The following USP10 variants were observed in gnomAD, a reference collection of about 807,000 sequenced individuals.
USP10 encodes ubiquitin specific peptidase 10, also known as ubiquitin carboxyl-terminal hydrolase 10.
USP10 carries 22 observed loss-of-function variants against 84.5 expected under a neutral mutation model. The ratio of observed to expected loss-of-function variants is 0.26; its 90% CI spans 0.19 to 0.37. The LOEUF (loss-of-function observed/expected upper bound fraction) is 0.37, where lower values mean the gene tolerates loss of function less well. Ranked by LOEUF, USP10 falls within the 10% of genes least tolerant of loss-of-function variation. The probability of loss-of-function intolerance (pLI) is 1.00; values close to 1 mark genes in which losing one functional copy is unlikely to be tolerated. For synonymous variants in USP10, 454 were observed against 387.6 expected (o/e 1.17, Z -2.01); for missense variants, 1,019 against 998.9 (o/e 1.02, Z -0.27).
intron 11 of USP10, among the ~76,000 whole-genome samples, chr16:84,771,699 T>A (rs1034097787): frequency 2.0e-5 from 3 of 152,050 alleles, no homozygotes; most frequent in African/African-American, 7.2e-5. Flanking sequence ...TGAAACCCCT[T>A]CTTTACTAAA....
At chr16:84,748,563 C>G (rs925156545) in intron 4 of USP10, among the ~76,000 whole-genome samples, 4 of 152,144 alleles carry the variant, frequency 2.6e-5, no homozygotes, top group African/African-American at 9.7e-5. Flanking sequence ...CTCAGCCTCT[C>G]AAAGTGCTGA....
intron 12 of USP10, among the ~76,000 whole-genome samples, chr16:84,773,804 A>G (rs889922054): frequency 6.6e-6 from 1 of 152,226 alleles, no homozygotes; most frequent in Non-Finnish European, 1.5e-5. Context: ...CAAAGAAGGC[A>G]TCCTCGGCCT....
At chr16:84,767,776 A>C (rs7203766) in intron 10 of USP10, among the ~76,000 whole-genome samples, 31 of 149,846 alleles carry the variant, frequency 2.1e-4, no homozygotes, top group African/African-American at 7.8e-4. Flanking sequence ...AATTATTATT[A>C]TTTTTTTTAA....
intron 1 of USP10, among the ~76,000 whole-genome samples, chr16:84,704,337 C>A (rs748214853): frequency 6.6e-6 from 1 of 152,194 alleles, no homozygotes; most frequent in Non-Finnish European, 1.5e-5. Context: ...TGTAATTAGG[C>A]TGTTACTTTT....
At chr16:84,706,973 T>TA (rs1431900093) in intron 1 of USP10, among the ~76,000 whole-genome samples, 1 of 152,212 alleles carries the variant, frequency 6.6e-6, no homozygotes, top group African/African-American at 2.4e-5. Flanking sequence ...ATAAACTCTA[T>TA]AAACTGCATA....
At chr16:84,770,135 G>C (rs989624128) in intron 11 of USP10, among the ~76,000 whole-genome samples, 15 of 152,086 alleles carry the variant, frequency 9.9e-5, no homozygotes, top group African/African-American at 1.4e-4. Context: ...AAAAATAAAG[G>C]AAAGCTGGCA....
intron 3 of USP10, among the ~76,000 whole-genome samples, chr16:84,743,127 A>G (rs555759637): frequency 6.6e-6 from 1 of 152,354 alleles, no homozygotes; most frequent in East Asian, 1.9e-4. Flanking sequence ...GCCAGCCCCT[A>G]CATATGATAA....
At position 84,778,899 on chromosome 16, in the gene USP10, C is replaced by T; in HGVS notation, c.2214C>T (p.Val738=). 6.2e-7 allele frequency: 1 copy of T among 1,612,990 alleles called. No homozygotes were observed. Residue 738 remains valine, a synonymous_variant, in exon 14 of 14, where the codon GTC becomes GTT. Transcript: ENST00000219473. The part of the protein sequence containing the change: ...CHRTYRLFAV[V]YHHGNSATGG... The stretch of plus-strand genomic sequence containing the variant: ...GCCTGCTGGGCTCTCTTCCAGTGGT[C>T]TACCATCACGGCAACAGTGCGACGG...
chr16:84,750,490 G>A (rs1911801421), intron 4 of USP10, among the ~76,000 whole-genome samples: 1 of 152,068 alleles, frequency 6.6e-6, no homozygotes, highest in African/African-American at 2.4e-5. Context: ...AGTGAGTATG[G>A]CAGACACGTG....
chr16:84,728,654 T>A (rs1353871037), intron 1 of USP10, among the ~76,000 whole-genome samples: 1 of 151,990 alleles, frequency 6.6e-6, no homozygotes, highest in Non-Finnish European at 1.5e-5. Flanking sequence ...ATCAAAATTA[T>A]AATTTATGTC....
intron 1 of USP10, among the ~76,000 whole-genome samples, chr16:84,700,781 C>G (rs1468859538): frequency 1.3e-5 from 2 of 152,148 alleles, no homozygotes; most frequent in Non-Finnish European, 1.5e-5. Flanking sequence ...ACTAACGCAC[C>G]CTGCCTGAAC....
chr16:84,773,232 G>C (rs1597405526), intron 12 of USP10, among the ~76,000 whole-genome samples: 1 of 152,198 alleles, frequency 6.6e-6, no homozygotes, highest in African/African-American at 2.4e-5. Flanking sequence ...GCTTCAAGAA[G>C]ACTTTTCTTG....
At chr16:84,719,366 C>T (rs986690158) in intron 1 of USP10, among the ~76,000 whole-genome samples, 5 of 152,152 alleles carry the variant, frequency 3.3e-5, no homozygotes, top group Admixed American at 3.3e-4. Context: ...TTACTTGGAT[C>T]ACGGGAATGC....
chr16:84,759,305 T>G, intron 5 of USP10, 58 bp from the exon 6 acceptor site: 3 of 1,494,874 alleles, frequency 2.0e-6, no homozygotes, highest in Non-Finnish European at 1.9e-6. Flanking sequence ...TCATGTGCCT[T>G]CAGGAAATGT....
intron 4 of USP10, among the ~76,000 whole-genome samples, chr16:84,752,310 T>C (rs144578809): frequency 2.8e-4 from 42 of 152,310 alleles, no homozygotes; most frequent in Non-Finnish European, 4.6e-4. Flanking sequence ...CCATGATGAA[T>C]TGAAAAGAAG....
rs116730152 is a variant in USP10 at position 84,761,620 on chromosome 16, C to T, written c.1554+1345C>T. On this transcript the variant is annotated intron_variant, in intron 8 of 13. Coordinates refer to ENST00000219473, the MANE Select transcript of USP10 (RefSeq NM_005153.3). ...AACCAGGGAAGGTCATTACAGACTC[C>T]GTGTCCAGAGTTTTTACTGAGGGCT... Among the ~76,000 whole-genome samples the T allele has an allele frequency of 8.2e-3, 1,243 of 152,342 alleles. 9 individuals carry two copies. The highest frequency in any genetic ancestry group is 0.028 in the African/African-American group (1,184 of 41,574).
intron 1 of USP10, among the ~76,000 whole-genome samples, chr16:84,724,866 T>G (rs937806491): frequency 1.3e-5 from 2 of 152,184 alleles, no homozygotes; most frequent in South Asian, 2.1e-4. Context: ...TCTCCAGATG[T>G]CCTCAGAACC....
At chr16:84,701,448 T>G (rs1389312963) in intron 1 of USP10, among the ~76,000 whole-genome samples, 1 of 152,220 alleles carries the variant, frequency 6.6e-6, no homozygotes, top group Non-Finnish European at 1.5e-5. Context: ...AGAGATTTGG[T>G]GTATTTAGCT....
chr16:84,759,010 G>A (rs991900781), intron 5 of USP10, among the ~76,000 whole-genome samples: 2 of 152,230 alleles, frequency 1.3e-5, no homozygotes, highest in African/African-American at 4.8e-5. Context: ...GAGAGGATAT[G>A]TTGGCACGTG....
Sources: allele counts gnomAD v4.1 joint callset (sites outside exome capture counted in the v4.1 genomes callset), GRCh38; gene constraint gnomAD v4.1.1; transcripts MANE v1.5; gene names NCBI Gene and HGNC (gene_info 2026-07-23, HGNC 2026-07-21).